Variants in PLB1 observed in about 807,000 individuals in gnomAD.
The protein encoded by PLB1 is phospholipase B1, membrane-associated.
PLB1 carries 242 observed loss-of-function variants against 227.4 expected under a neutral mutation model. The observed-to-expected ratio is 1.06, with a 90% CI of 0.96 to 1.18. PLB1 has a LOEUF of 1.18. Among genes scored for constraint, PLB1 ranks in the 50% most tolerant of loss-of-function variants. PLB1 has a pLI of 0.00. For synonymous variants in PLB1, 757 were observed against 682.2 expected, an observed-to-expected ratio of 1.11 and a Z score of -1.71; for missense variants, 1,858 against 1,816.3, an observed-to-expected ratio of 1.02 and a Z score of -0.42.
At position 28,642,982 on chromosome 2, in the gene PLB1, T is replaced by G. The variant is rs768057832; in HGVS notation, c.4298T>G (p.Ile1433Ser). The G allele has an allele frequency of 6.2e-7, 1 of 1,610,828 alleles. No homozygotes were observed. Among genetic ancestry groups the G allele is most frequent in the Non-Finnish European group, 8.5e-7 (1 of 1,178,796 alleles). Residue 1433 changes from isoleucine to serine, a missense_variant, in exon 58 of 58, where the codon ATC (isoleucine) becomes AGC (serine). Physicochemically the swap from Ile to Ser is moderately radical, Grantham distance 142. Coordinates refer to ENST00000327757, the MANE Select transcript of PLB1 (RefSeq NM_153021.5). ...GGAGTCGGCCTTGTGGTGGGCATCA[T>G]CGGGACAGTGGTCTGGAGGTGCAGG... is the stretch of plus-strand genomic sequence containing the variant. ...AAGVGLVVGI[I>S]GTVVWRCRRG...
intron 3 of PLB1, among the ~76,000 whole-genome samples, chr2:28,519,187 G>A (rs970615674): frequency 6.8e-6 from 1 of 148,012 alleles, no homozygotes; most frequent in Non-Finnish European, 1.5e-5. Context: ...TCACTCAAGT[G>A]GGTCCAGGAG....
chr2:28,582,101 A>G lies in PLB1; in HGVS notation c.1600A>G (p.Ile534Val). ...HYSPQNFTDN[I>V]GKALDILHAE... is the part of the protein sequence containing the mutation. ...TTCTCCCCAGAACTTCACAGACAAC[A>G]TTGGAAAGGCCCTGGACATCCTCCA... Residue 534 changes from isoleucine (I) to valine (V), a missense_variant, in exon 24 of 58, where the codon ATT becomes GTT. Ile to Val is a conservative substitution (Grantham distance 29). Coordinates refer to ENST00000327757, the MANE Select transcript of PLB1 (RefSeq NM_153021.5). 1 of 1,614,016 alleles carries G rather than the reference A, an allele frequency of 6.2e-7. No individual in the cohort carries two copies. Among genetic ancestry groups the G allele is most frequent in the Non-Finnish European group, 8.5e-7 (1 of 1,179,914 alleles).
chr2:28,532,281 G>A, intron 9 of PLB1, 87 bp downstream of exon 9: 1 of 1,084,332 alleles, frequency 9.2e-7, no homozygotes, highest in Non-Finnish European at 1.4e-6. Context: ...CCAATCCCCA[G>A]CTGTCAGGAT....
At chr2:28,567,485 T>C (rs1677187090) in intron 20 of PLB1, among the ~76,000 whole-genome samples, 1 of 145,470 alleles carries the variant, frequency 6.9e-6, no homozygotes, top group Non-Finnish European at 1.5e-5. Flanking sequence ...TTTTTTTTTT[T>C]TTTTTGAGAT....
At chr2:28,621,296 T>G (rs1448626159) in intron 49 of PLB1, among the ~76,000 whole-genome samples, 2 of 152,174 alleles carry the variant, frequency 1.3e-5, no homozygotes, top group African/African-American at 4.8e-5. Context: ...GGCGCACATC[T>G]GCCCTGGACC....
intron 15 of PLB1, 124 bp downstream of exon 15, chr2:28,549,055 C>A: frequency 2.4e-6 from 2 of 823,806 alleles, no homozygotes; most frequent in Non-Finnish European, 4.0e-6. Context: ...TTCTTCTGGG[C>A]CTGCACACAG....
intron 49 of PLB1, among the ~76,000 whole-genome samples, chr2:28,623,414 A>G (rs1359398793): frequency 6.6e-6 from 1 of 152,160 alleles, no homozygotes; most frequent in Non-Finnish European, 1.5e-5. Context: ...ACGAGGGCTT[A>G]TTGCCCATGG....
At position 28,585,585 on chromosome 2, in the gene PLB1, T is replaced by A. The variant is rs140434901; in HGVS notation, c.1734-176T>A. 987 of 593,634 alleles carry A rather than the reference T, an allele frequency of 1.7e-3. 9 individuals are homozygous for A. Among genetic ancestry groups the A allele is most frequent in the African/African-American group, 0.015 (800 of 53,392 alleles). The allele number at this position is 593,634 out of a possible 1,614,324, so 36.8% of individuals were successfully genotyped here. ...AGCCACCGCGCCTGGCCTGGAAATC[T>A]TCTTTAGCTTCGTTTGGTATGGTCA... is the stretch of plus-strand genomic sequence containing the variant. On this transcript the variant is annotated intron_variant, in intron 25 of 57. Coordinates refer to ENST00000327757, the MANE Select transcript of PLB1 (RefSeq NM_153021.5).
chr2:28,563,207 C>A, intron 18 of PLB1, 108 bp downstream of exon 18: 1 of 1,120,486 alleles, frequency 8.9e-7, no homozygotes, highest in Non-Finnish European at 1.3e-6. Context: ...CTCTTAGATG[C>A]TACCATCTCG....
At chr2:28,588,474 A>G (rs906415095) in intron 26 of PLB1, among the ~76,000 whole-genome samples, 2 of 152,140 alleles carry the variant, frequency 1.3e-5, no homozygotes, top group African/African-American at 4.8e-5. Context: ...TGGCCTGGGA[A>G]TTGACCCTGG....
chr2:28,637,638 G>T (rs777814988), intron 56 of PLB1, among the ~76,000 whole-genome samples: 11 of 152,210 alleles, frequency 7.2e-5, no homozygotes, highest in Non-Finnish European at 1.6e-4. Flanking sequence ...TAACCTCTCT[G>T]GCTACCATTT....
chr2:28,630,622 C>CCTGGAGAAG lies in PLB1; in HGVS notation c.3857_3865dup (p.Leu1286_Lys1288dup). 1 of 1,613,714 alleles carries CCTGGAGAAG rather than the reference C, an allele frequency of 6.2e-7. No homozygotes were observed. Among genetic ancestry groups the CCTGGAGAAG allele is most frequent in the Non-Finnish European group, 8.5e-7 (1 of 1,179,834 alleles). ...CTTGCCTCAGACACTCGCAAAGCTC[C>CCTGGAGAAG]CTGGAGAAGCAAGAACTGAAGAAAG... On this transcript the variant is annotated inframe_insertion, in exon 54 of 58. Coordinates refer to ENST00000327757, the MANE Select transcript of PLB1 (RefSeq NM_153021.5).
At chr2:28,573,015 G>A (rs900410289) in intron 20 of PLB1, among the ~76,000 whole-genome samples, 182 bp from the exon 21 acceptor site, 2 of 152,202 alleles carry the variant, frequency 1.3e-5, no homozygotes, top group Non-Finnish European at 2.9e-5. Context: ...TCTGTCGTGT[G>A]CTGCCCTGTC....
At chr2:28,506,922 C>T (rs187103341) in intron 1 of PLB1, among the ~76,000 whole-genome samples, 82 of 152,282 alleles carry the variant, frequency 5.4e-4, no homozygotes, top group Non-Finnish European at 9.6e-4. Flanking sequence ...GGGTCCTAAG[C>T]CTCCCTTCCT....
intron 51 of PLB1, among the ~76,000 whole-genome samples, chr2:28,627,715 G>A (rs534564316): frequency 2.6e-5 from 4 of 152,206 alleles, no homozygotes; most frequent in East Asian, 3.9e-4. Flanking sequence ...TTGAGTGCAC[G>A]GTATCTCACC....
intron 42 of PLB1, 57 bp downstream of exon 42, chr2:28,606,005 A>T: frequency 3.6e-6 from 5 of 1,370,424 alleles, no homozygotes; most frequent in Non-Finnish European, 5.2e-6. Flanking sequence ...GCAGGGCACC[A>T]GCCCCTATAG....
Position 28,529,726 on chromosome 2 carries a change from A to G in PLB1, c.417-2A>G, listed in dbSNP as rs142867360. ...TTTCTCTGTTTCCCTCCCTCTGCACAGAGACTTGTGGATTCAGGCTCAAGA... is the reference window on the plus strand; with the variant it reads ...TTTCTCTGTTTCCCTCCCTCTGCACGGAGACTTGTGGATTCAGGCTCAAGA... On this transcript the variant is annotated splice_acceptor_variant, in intron 7 of 57. Transcript: ENST00000327757. LOFTEE classifies it high-confidence loss of function. The G allele has an allele frequency of 2.2e-5, 36 of 1,613,980 alleles. No individual in the cohort carries two copies. The African/African-American group carries it at 4.3e-4, about 19-fold the overall frequency.
chr2:28,560,146 G>C lies in PLB1; in HGVS notation c.1148-2895G>C, dbSNP rs377612635. Reference sequence around the variant, plus strand: ...AGCACTTAACCACTGAAATGTACCAGGGTGGGCCACTCCTTGGTACAAACT... The same window carrying C: ...AGCACTTAACCACTGAAATGTACCACGGTGGGCCACTCCTTGGTACAAACT... On this transcript the variant is annotated intron_variant, in intron 17 of 57. Coordinates refer to ENST00000327757, the MANE Select transcript of PLB1 (RefSeq NM_153021.5). 1.0e-3 allele frequency among the ~76,000 whole-genome samples: 157 copies of C among 152,280 alleles called. 1 individual carries two copies. Among genetic ancestry groups the C allele is most frequent in the South Asian group, 4.4e-3 (21 of 4,824 alleles).
intron 56 of PLB1, among the ~76,000 whole-genome samples, chr2:28,636,202 G>A (rs1056564899): frequency 6.6e-6 from 1 of 152,156 alleles, no homozygotes; most frequent in Non-Finnish European, 1.5e-5. Flanking sequence ...GGGGTTATAG[G>A]TGCATGCCAC....
Sources: gnomAD v4.1 joint callset for allele counts (sites outside exome capture counted in the v4.1 genomes callset) on GRCh38, gnomAD v4.1.1 for gene constraint, MANE v1.5 for transcripts, NCBI Gene and HGNC (gene_info 2026-07-23, HGNC 2026-07-21) for gene names.